The following KATNIP variants were observed in gnomAD, a reference collection of about 807,000 sequenced individuals.
KATNIP encodes katanin interacting protein.
A neutral mutation model predicts 174.0 loss-of-function variants in KATNIP; 126 were observed. The observed-to-expected ratio is 0.72, with a 90% CI of 0.63 to 0.84. The LOEUF is 0.84. KATNIP is among the 40% of genes least tolerant of loss of function. The pLI, the probability that KATNIP is intolerant of heterozygous loss-of-function variation, is 0.00. For missense variants in KATNIP, 1,958 were observed against 2,109.7 expected, an observed-to-expected ratio of 0.93 and a Z score of 1.41; for synonymous variants, 810 against 835.7, an observed-to-expected ratio of 0.97 and a Z score of 0.53.
chr16:27,778,869 G>A lies in KATNIP; in HGVS notation c.*240G>A, dbSNP rs2082599938. ...TCTGGGTTGGCCACAGGGAGCCCAG[G>A]ACACCCGCCTTCATGCCTCTGCTGT... On this transcript the variant is annotated 3_prime_UTR_variant, in exon 28 of 28. Coordinates refer to ENST00000261588, the MANE Select transcript of KATNIP (RefSeq NM_015202.5). 1 of 464,568 alleles carries A rather than the reference G, an allele frequency of 2.2e-6. No homozygotes were observed. Among genetic ancestry groups the A allele is most frequent in the East Asian group, 3.5e-5 (1 of 28,726 alleles). 28.8% of individuals were successfully genotyped at this position (464,568 alleles called of 1,614,324 possible).
chr16:27,598,861 G>T (rs2075422515), intron 2 of KATNIP, among the ~76,000 whole-genome samples: 1 of 152,168 alleles, frequency 6.6e-6, no homozygotes, highest in South Asian at 2.1e-4. Flanking sequence ...TGCAGTTCAG[G>T]CTTTGGGGAG....
At position 27,754,174 on chromosome 16, in the gene KATNIP, T is replaced by C; in HGVS notation, c.3554T>C (p.Ile1185Thr). Residue 1185 changes from isoleucine (I) to threonine (T), a missense_variant and splice_region_variant, in exon 18 of 28, where the codon ATC becomes ACC. Physicochemically the swap from Ile to Thr is moderately conservative, Grantham distance 89 (BLOSUM62 -1). This residue lies in a region of KATNIP where 1,557 missense variants were observed against 1,617.8 expected (regional missense o/e 0.96). Coordinates refer to ENST00000261588, the MANE Select transcript of KATNIP (RefSeq NM_015202.5). ...TCTGCTTCTCCAACCCATGTGCAGA[T>C]CCCGGAGCTAGAGCTCCCATCCAGT... Reference protein sequence around the residue: ...TQAGLGADERIPELELPSSSP... With the variant: ...TQAGLGADERTPELELPSSSP... The C allele has an allele frequency of 6.2e-7, 1 of 1,613,738 alleles. No homozygotes were observed.
At chr16:27,567,274 T>C (rs2090127686) in intron 1 of KATNIP, among the ~76,000 whole-genome samples, 1 of 152,212 alleles carries the variant, frequency 6.6e-6, no homozygotes. Context: ...CTTTGGACAT[T>C]GCATATTTTA....
rs1183295435 is a variant in KATNIP at position 27,637,924 on chromosome 16, C to T, written c.408+6762C>T. On this transcript the variant is annotated intron_variant, in intron 5 of 27. Transcript: ENST00000261588. This position sits in a 1 kb window ranked among gnomAD's most constrained non-coding sequence, Gnocchi z 4.7. ...CCAGGAAGCCTTTGAAGCAGGGCTA[C>T]GTCTCTCTCCACCAACCTTCCCCAG... Among the ~76,000 whole-genome samples, 1 of 152,168 alleles carries T rather than the reference C, an allele frequency of 6.6e-6. No homozygotes were observed. Among genetic ancestry groups the T allele is most frequent in the African/African-American group, 2.4e-5 (1 of 41,444 alleles).
At chr16:27,582,368 T>C (rs2090732202) in intron 2 of KATNIP, among the ~76,000 whole-genome samples, 1 of 152,182 alleles carries the variant, frequency 6.6e-6, no homozygotes, top group Non-Finnish European at 1.5e-5. Flanking sequence ...ACTCTGCACT[T>C]TTACGGGAAT....
intron 13 of KATNIP, among the ~76,000 whole-genome samples, chr16:27,720,153 C>T (rs895543513): frequency 1.3e-5 from 2 of 152,148 alleles, no homozygotes; most frequent in South Asian, 2.1e-4. Flanking sequence ...TTCAATGGCA[C>T]GATCTCAGCC....
chr16:27,722,516 C>G (rs982591359), intron 14 of KATNIP: 1 of 152,208 alleles, frequency 6.6e-6, no homozygotes. Context: ...ATAGTTCTAT[C>G]AGGGAACTAA....
intron 2 of KATNIP, among the ~76,000 whole-genome samples, chr16:27,576,468 T>A (rs2090500025): frequency 6.6e-6 from 1 of 152,006 alleles, no homozygotes; most frequent in Non-Finnish European, 1.5e-5. Flanking sequence ...ACAATTATTT[T>A]AAAAATAAAT....
chr16:27,643,061 A>G (rs901071682), intron 5 of KATNIP: 8 of 152,202 alleles, frequency 5.3e-5, no homozygotes, highest in Admixed American at 1.3e-4. Flanking sequence ...AACCGTGCCC[A>G]TTTCTTTAGT....
At chr16:27,725,931 C>T (rs1196038141) in intron 14 of KATNIP, among the ~76,000 whole-genome samples, 3 of 152,168 alleles carry the variant, frequency 2.0e-5, no homozygotes, top group Admixed American at 6.5e-5. Flanking sequence ...ATGAATGCTA[C>T]ATTTCCCCAG....
chr16:27,744,658 A>ATTT (rs1377617309), intron 15 of KATNIP, among the ~76,000 whole-genome samples: 1 of 152,064 alleles, frequency 6.6e-6, no homozygotes, highest in African/African-American at 2.4e-5. Context: ...TGAGACGGGA[A>ATTT]GATCACCTGA....
chr16:27,743,210 T>G (rs1279735889), intron 15 of KATNIP, among the ~76,000 whole-genome samples: 2 of 152,252 alleles, frequency 1.3e-5, no homozygotes, highest in African/African-American at 4.8e-5. Context: ...TATGGCTGTA[T>G]AGTATTCCAT....
At chr16:27,750,581 G>A (rs1269424603) in intron 16 of KATNIP, among the ~76,000 whole-genome samples, 2 of 150,396 alleles carry the variant, frequency 1.3e-5, no homozygotes, top group African/African-American at 4.9e-5. Flanking sequence ...CAACACGCCC[G>A]GCTAATTTTT....
Position 27,651,828 on chromosome 16 carries a change from T to G in KATNIP, c.540+3093T>G, listed in dbSNP as rs576591468. On this transcript the variant is annotated intron_variant, in intron 6 of 27. Coordinates refer to ENST00000261588, the MANE Select transcript of KATNIP (RefSeq NM_015202.5). ...TCTGCCTCCAGGGTTCAAGCGATTC[T>G]CCAGCCTCTGCCTCCCGAGTAGTTG... 2.6e-5 allele frequency among the ~76,000 whole-genome samples: 4 copies of G among 152,344 alleles called. No homozygotes were observed. The East Asian group carries it at 7.7e-4, about 29-fold the overall frequency.
At chr16:27,554,892 C>CT (rs1366746193) in intron 1 of KATNIP, among the ~76,000 whole-genome samples, 2 of 147,528 alleles carry the variant, frequency 1.4e-5, no homozygotes, top group African/African-American at 2.5e-5. Flanking sequence ...CTCCCAGGTT[C>CT]AAGCGATTCT....
chr16:27,722,293 G>T (rs916449618), intron 14 of KATNIP: 3 of 152,254 alleles, frequency 2.0e-5, no homozygotes, highest in African/African-American at 7.2e-5. Flanking sequence ...TAAAAGACTA[G>T]TCAAGTACAG....
intron 2 of KATNIP, among the ~76,000 whole-genome samples, chr16:27,592,630 A>G (rs905881385): frequency 2.6e-5 from 4 of 152,030 alleles, no homozygotes; most frequent in Non-Finnish European, 5.9e-5. Context: ...ACACACACAC[A>G]CACACAACCA....
At chr16:27,683,847 C>T (rs2078432672) in intron 8 of KATNIP, among the ~76,000 whole-genome samples, 1 of 152,148 alleles carries the variant, frequency 6.6e-6, no homozygotes, top group Non-Finnish European at 1.5e-5. Context: ...GTTGACAAGC[C>T]TCCAGTCTAT....
intron 6 of KATNIP, among the ~76,000 whole-genome samples, chr16:27,660,851 C>T (rs958735255): frequency 6.6e-6 from 1 of 152,098 alleles, no homozygotes; most frequent in Non-Finnish European, 1.5e-5. Flanking sequence ...AAACACCTTC[C>T]CCCATCCCAG....
Sources: allele counts gnomAD v4.1 joint callset (sites outside exome capture counted in the v4.1 genomes callset), GRCh38; gene constraint gnomAD v4.1.1; regional missense constraint gnomAD v4.1.1; non-coding constraint Gnocchi (gnomAD v3.1); transcripts MANE v1.5; gene names NCBI Gene and HGNC (gene_info 2026-07-23, HGNC 2026-07-21).